Variants in CCDC3 observed in about 807,000 individuals in gnomAD.
The protein encoded by CCDC3 is coiled-coil domain-containing protein 3.
A neutral mutation model predicts 21.4 loss-of-function variants in CCDC3; 24 were observed. That is an observed-to-expected ratio of 1.12 (90% confidence interval 0.81 to 1.58). The LOEUF (loss-of-function observed/expected upper bound fraction) is 1.58. CCDC3 is among the 40% of genes most tolerant of loss of function. CCDC3 has a pLI of 0.00. For missense variants in CCDC3, 425 were observed against 360.9 expected (o/e 1.18, Z -1.44); for synonymous variants, 186 against 166.0 (o/e 1.12, Z -0.93).
intron 5 of CCDC3, among the ~76,000 whole-genome samples, chr10:13,024,556 T>C (rs1836191232): frequency 6.6e-6 from 1 of 152,220 alleles, no homozygotes; most frequent in Non-Finnish European, 1.5e-5. Context: ...GGCCATTTCT[T>C]ACTTTGAAAA....
chr10:12,934,302 C>T (rs1037787038), intron 2 of CCDC3, among the ~76,000 whole-genome samples: 4 of 152,128 alleles, frequency 2.6e-5, no homozygotes, highest in African/African-American at 9.7e-5. Flanking sequence ...CCATTGTTGT[C>T]TGAGAGCAGA....
At chr10:12,977,710 A>G (rs1395252839) in intron 2 of CCDC3, among the ~76,000 whole-genome samples, 1 of 152,220 alleles carries the variant, frequency 6.6e-6, no homozygotes, top group Non-Finnish European at 1.5e-5. Flanking sequence ...TTTTCAAACC[A>G]TAGGAAAGAT....
At chr10:13,037,686 G>C (rs760693920) in intron 5 of CCDC3, among the ~76,000 whole-genome samples, 1 of 152,170 alleles carries the variant, frequency 6.6e-6, no homozygotes, top group African/African-American at 2.4e-5. Context: ...AGGAGGCCAG[G>C]CATAGTAGCT....
At chr10:13,008,730 G>A (rs1409098757) in intron 5 of CCDC3, among the ~76,000 whole-genome samples, 3 of 152,144 alleles carry the variant, frequency 2.0e-5, no homozygotes, top group Admixed American at 6.5e-5. Flanking sequence ...TATGTTATAT[G>A]CTTACAAAAA....
At chr10:12,922,278 C>A (rs61852249) in intron 2 of CCDC3, among the ~76,000 whole-genome samples, 3,378 of 152,210 alleles carry the variant, frequency 0.022, 45 homozygotes, top group Non-Finnish European at 0.036. Context: ...CCAAGTTACC[C>A]GCACTCGGAC....
At chr10:12,906,458 G>A (rs925038822) in intron 2 of CCDC3, among the ~76,000 whole-genome samples, 7 of 152,176 alleles carry the variant, frequency 4.6e-5, no homozygotes, top group Non-Finnish European at 8.8e-5. Context: ...AGCTGGGCAG[G>A]GCCACAGCAG....
chr10:13,081,795 A>T (rs915099756), intron 3 of CCDC3, among the ~76,000 whole-genome samples: 1 of 152,252 alleles, frequency 6.6e-6, no homozygotes, highest in Non-Finnish European at 1.5e-5. Context: ...AATGGATTAA[A>T]TATTCCATCT....
At chr10:12,904,287 G>A (rs1834137925) in intron 2 of CCDC3, among the ~76,000 whole-genome samples, 2 of 151,604 alleles carry the variant, frequency 1.3e-5, no homozygotes, top group African/African-American at 4.8e-5. Context: ...GGAAACACAG[G>A]GAGACCCCAT....
At chr10:12,921,651 GTC>G (rs1834452024) in intron 2 of CCDC3, among the ~76,000 whole-genome samples, 2 of 152,210 alleles carry the variant, frequency 1.3e-5, no homozygotes, top group South Asian at 4.1e-4. Context: ...TGTGCAACCA[GTC>G]TCTGGCACTA....
upstream of CCDC3, among the ~76,000 whole-genome samples, chr10:13,003,314 T>C (rs1397849617): frequency 1.3e-5 from 2 of 152,038 alleles, no homozygotes; most frequent in East Asian, 3.8e-4. Context: ...CTGAAGTAGA[T>C]ATAACTATTA....
intron 2 of CCDC3, among the ~76,000 whole-genome samples, chr10:12,946,046 C>T (rs1410612902): frequency 2.0e-5 from 3 of 152,214 alleles, no homozygotes; most frequent in African/African-American, 7.2e-5. Flanking sequence ...CCTCCTGATA[C>T]GTCATCATAG....
intron 5 of CCDC3, among the ~76,000 whole-genome samples, chr10:13,035,645 C>G (rs186005076): frequency 1.3e-5 from 2 of 152,100 alleles, no homozygotes; most frequent in South Asian, 4.1e-4. Context: ...TATATCATCC[C>G]GAGGCATGTT....
At chr10:12,950,471 C>T (rs1385014553) in intron 2 of CCDC3, among the ~76,000 whole-genome samples, 2 of 152,154 alleles carry the variant, frequency 1.3e-5, no homozygotes, top group South Asian at 2.1e-4. Context: ...AGAATTCATC[C>T]ACCACCCCAT....
chr10:13,027,178 G>C (rs1671883168), intron 5 of CCDC3, among the ~76,000 whole-genome samples: 1 of 152,142 alleles, frequency 6.6e-6, no homozygotes, highest in African/African-American at 2.4e-5. Context: ...GCTCTCATCA[G>C]GGGTGAGCTT....
intron 4 of CCDC3, among the ~76,000 whole-genome samples, chr10:13,051,430 CT>C (rs1442844458): frequency 6.6e-6 from 1 of 152,174 alleles, no homozygotes; most frequent in Non-Finnish European, 1.5e-5. Context: ...CAACTGTCAG[CT>C]TCAATTGTTT....
At chr10:13,092,938 T>A (rs972304289) in intron 3 of CCDC3, among the ~76,000 whole-genome samples, 2 of 151,936 alleles carry the variant, frequency 1.3e-5, no homozygotes, top group African/African-American at 2.4e-5. Flanking sequence ...AGAGAAATGT[T>A]GACTTTTCGT....
intron 2 of CCDC3, among the ~76,000 whole-genome samples, chr10:12,915,490 T>G (rs923194150): frequency 1.3e-5 from 2 of 152,232 alleles, no homozygotes; most frequent in African/African-American, 4.8e-5. Flanking sequence ...CTCTGTATCT[T>G]TAGAGTCAGT....
intron 4 of CCDC3, among the ~76,000 whole-genome samples, chr10:13,059,436 C>T (rs483492): frequency 0.58 from 87,894 of 151,984 alleles, 26,392 homozygotes; most frequent in African/African-American, 0.74. Context: ...CATCTTGCTA[C>T]ATCTAATTAA....
intron 2 of CCDC3, among the ~76,000 whole-genome samples, chr10:12,983,285 G>A (rs1835535299): frequency 2.0e-5 from 3 of 150,396 alleles, no homozygotes; most frequent in Admixed American, 1.3e-4. Flanking sequence ...AGAAGAATTT[G>A]AAAACAGCAG....
Sources: allele counts gnomAD v4.1 joint callset (sites outside exome capture counted in the v4.1 genomes callset), GRCh38; gene constraint gnomAD v4.1.1; transcripts MANE v1.5; gene names NCBI Gene and HGNC (gene_info 2026-07-23, HGNC 2026-07-21).